ATAT1: variants seen among roughly 807,000 people sequenced by gnomAD.
ATAT1 encodes alpha tubulin acetyltransferase 1.
Under a neutral mutation model 57.2 loss-of-function variants are expected in ATAT1, and 42 were observed. The ratio of observed to expected loss-of-function variants is 0.73; its 90% confidence interval spans 0.57 to 0.95. The LOEUF (loss-of-function observed/expected upper bound fraction) is 0.95. Among genes scored for constraint, ATAT1 ranks in the 40% least tolerant of loss-of-function variants. The pLI is 0.00. For synonymous variants in ATAT1, 168 were observed against 187.1 expected (o/e 0.90, Z 0.83); for missense variants, 454 against 523.7 (o/e 0.87, Z 1.30).
rs17189211 is a variant in ATAT1 at position 30,641,091 on chromosome 6, A to C, written c.616+488A>C. 1.2e-3 allele frequency among the ~76,000 whole-genome samples: 185 copies of C among 151,370 alleles called. 4 individuals carry two copies. Among genetic ancestry groups the C allele is most frequent in the African/African-American group, 4.0e-3 (166 of 41,064 alleles). ...CCTCAGAGGCACTAAAATGCTGTCC[A>C]GATTCCCCATCCCATATACACACAT... On this transcript the variant is annotated intron_variant, in intron 8 of 12. Coordinates refer to ENST00000330083, the MANE Select transcript of ATAT1 (RefSeq NM_001031722.4).
At chr6:30,644,482 C>T (rs1025718142) in intron 10 of ATAT1, 1 of 985,696 alleles carries the variant, frequency 1.0e-6, no homozygotes, top group African/African-American at 1.7e-5. Flanking sequence ...AGCTAGATCC[C>T]TTCCCCTCCC....
rs117021444 is a variant in ATAT1, at chr6:30,634,599, G to A, written c.502-5778G>A. Among the ~76,000 whole-genome samples, 979 of 149,648 alleles carry A rather than the reference G, an allele frequency of 6.5e-3. 6 individuals are homozygous for A. The highest frequency in any genetic ancestry group is 0.038 in the South Asian group (180 of 4,708). On this transcript the variant is annotated intron_variant, in intron 6 of 12. Transcript: ENST00000330083. Reference sequence around the variant, plus strand: ...CAGATGACCAAGCCAGCCTTTGGAGGGTTCTCTGTCTTACTTCTGACTTTA... The same window carrying A: ...CAGATGACCAAGCCAGCCTTTGGAGAGTTCTCTGTCTTACTTCTGACTTTA...
intron 6 of ATAT1, among the ~76,000 whole-genome samples, chr6:30,631,398 C>T (rs570756171): frequency 6.6e-6 from 1 of 152,002 alleles, no homozygotes; most frequent in Non-Finnish European, 1.5e-5. Context: ...TGGCGTGAAC[C>T]TGGGAGGCAG....
At chr6:30,646,021 A>G in intron 11 of ATAT1, 46 bp from the exon 12 acceptor site, 1 of 1,606,906 alleles carries the variant, frequency 6.2e-7, no homozygotes, top group Non-Finnish European at 8.5e-7. Context: ...GGCCACATTC[A>G]CTGTCTACTC....
chr6:30,642,836 C>CCCCCCCCCCCCCCCCCCCCCCCCCCCCGG lies in ATAT1; in HGVS notation c.757_758insCCCCCCCCCCCCCCCCCCCCCCCCCCCGG (p.His253ProfsTer76). On this transcript the variant is annotated frameshift_variant, in exon 10 of 13. Transcript: ENST00000330083. LOFTEE classifies it high-confidence loss of function. ...CCCTCGCCGCGCCACACCTCCAGCC[C>CCCCCCCCCCCCCCCCCCCCCCCCCCCCGG]ACCCACCCCCCCGCTCCAGCAGCCT... is the stretch of plus-strand genomic sequence containing the variant. The CCCCCCCCCCCCCCCCCCCCCCCCCCCCGG allele has an allele frequency of 3.2e-6, 2 of 615,860 alleles. No homozygotes were observed. Among genetic ancestry groups the CCCCCCCCCCCCCCCCCCCCCCCCCCCCGG allele is most frequent in the South Asian group, 2.9e-5 (2 of 70,164 alleles). The allele number at this position is 615,860 out of a possible 1,614,324, so 38.1% of individuals were successfully genotyped here.
chr6:30,633,739 G>A (rs770163577), intron 6 of ATAT1: 3 of 205,862 alleles, frequency 1.5e-5, no homozygotes, highest in South Asian at 9.7e-5. Context: ...TAACGGGAAC[G>A]CTAATGAGGA....
chr6:30,626,921 G>A lies in ATAT1; in HGVS notation c.-283G>A. On this transcript the variant is annotated 5_prime_UTR_variant, in exon 1 of 13. Transcript: ENST00000330083. The stretch of plus-strand genomic sequence containing the variant: ...CGTTCGATGTGGACGCGCTGTTCCC[G>A]GAGCGGATCACGGTGCTGGACCAGC... 6.2e-7 allele frequency: 1 copy of A among 1,609,460 alleles called. No individual in the cohort carries two copies. Among genetic ancestry groups the A allele is most frequent in the Admixed American group, 1.7e-5 (1 of 59,558 alleles).
intron 6 of ATAT1, among the ~76,000 whole-genome samples, chr6:30,631,391 C>T (rs1203772073): frequency 1.3e-5 from 2 of 151,922 alleles, no homozygotes; most frequent in African/African-American, 4.8e-5. Context: ...AGGAGAATGG[C>T]GTGAACCTGG....
chr6:30,640,125 G>A (rs184259234), intron 6 of ATAT1, among the ~76,000 whole-genome samples: 16 of 150,258 alleles, frequency 1.1e-4, no homozygotes, highest in Admixed American at 8.0e-4. Context: ...GCAACAGAGC[G>A]AGACTCTGCC....
intron 6 of ATAT1, among the ~76,000 whole-genome samples, chr6:30,636,705 T>C (rs1196652413): frequency 6.6e-6 from 1 of 152,024 alleles, no homozygotes; most frequent in Admixed American, 6.6e-5. Context: ...GATGGGCTGG[T>C]AGACATTACA....
At position 30,638,575 on chromosome 6, in the gene ATAT1, GT is replaced by G. The variant is rs1236891609; in HGVS notation, c.502-1786del. ...GTGATCCACCACGCCTGGCCCCCGA[GT>G]TTTTTTTTTTTTTTTGAGACGGAGT... On this transcript the variant is annotated intron_variant, in intron 6 of 12. Coordinates refer to ENST00000330083, the MANE Select transcript of ATAT1 (RefSeq NM_001031722.4). Among the ~76,000 whole-genome samples the G allele has an allele frequency of 3.7e-3, 522 of 140,302 alleles. 5 individuals carry two copies. Among genetic ancestry groups the G allele is most frequent in the Admixed American group, 7.8e-3 (110 of 14,038 alleles). 92.0% of individuals were successfully genotyped at this position (140,302 alleles called of 152,430 possible). A position where few individuals can be genotyped will look rare whatever the true frequency, so the allele number is the denominator to read the frequency against.
At chr6:30,632,198 G>A (rs1407794044) in intron 6 of ATAT1, among the ~76,000 whole-genome samples, 1 of 151,162 alleles carries the variant, frequency 6.6e-6, no homozygotes, top group African/African-American at 2.4e-5. Flanking sequence ...ACCGGGAGGC[G>A]GAGGTTGCAG....
intron 11 of ATAT1, 34 bp downstream of exon 11, chr6:30,646,008 G>A: frequency 1.2e-6 from 2 of 1,604,436 alleles, no homozygotes; most frequent in Non-Finnish European, 1.7e-6. Context: ...CTCAAATCAA[G>A]TAGGCCACAT....
intron 10 of ATAT1, chr6:30,643,565 G>A: frequency 6.4e-7 from 1 of 1,550,418 alleles, no homozygotes; most frequent in South Asian, 1.2e-5. Flanking sequence ...GATACTAACA[G>A]CTACCCTCTC....
chr6:30,634,816 C>T (rs941580742), intron 6 of ATAT1, among the ~76,000 whole-genome samples: 3 of 151,280 alleles, frequency 2.0e-5, no homozygotes, highest in Middle Eastern at 3.4e-3. Context: ...GTGAAACCCC[C>T]TGTCTACTAA....
chr6:30,634,912 C>T (rs1033110755), intron 6 of ATAT1, among the ~76,000 whole-genome samples: 4 of 151,662 alleles, frequency 2.6e-5, no homozygotes, highest in Non-Finnish European at 5.9e-5. Context: ...GGCGTGAACC[C>T]GGGAGGCAGA....
intron 6 of ATAT1, among the ~76,000 whole-genome samples, chr6:30,635,115 T>C (rs1763788395): frequency 6.6e-6 from 1 of 152,214 alleles, no homozygotes; most frequent in African/African-American, 2.4e-5. Flanking sequence ...ATAAAATGTT[T>C]CATTTATTTG....
In ATAT1 at chr6:30,645,976, T is replaced by TA. The variant is rs759462562; in HGVS notation, c.1012+4dup. On this transcript the variant is annotated splice_region_variant and intron_variant, in intron 11 of 12. Transcript: ENST00000330083. ...TGAATTCCTCATCCCCCAATACAGG[T>TA]AAGTATTCACTCCTCCCTACCCTCA... 3 of 1,588,644 alleles carry TA rather than the reference T, an allele frequency of 1.9e-6. No homozygotes were observed. Among genetic ancestry groups the TA allele is most frequent in the Non-Finnish European group, 2.6e-6 (3 of 1,167,096 alleles).
Position 30,642,833 on chromosome 6 carries a change from GCCCA to G in ATAT1, c.762_765del (p.Pro256AlafsTer62). 26 of 1,536,646 alleles carry G rather than the reference GCCCA, an allele frequency of 1.7e-5. No individual in the cohort carries two copies. The highest frequency in any genetic ancestry group is 4.7e-5 in the East Asian group (2 of 42,454). On this transcript the variant is annotated frameshift_variant, in exon 10 of 13. Coordinates refer to ENST00000330083, the MANE Select transcript of ATAT1 (RefSeq NM_001031722.4). LOFTEE classifies it high-confidence loss of function. The stretch of plus-strand genomic sequence containing the variant: ...GGCCCCTCGCCGCGCCACACCTCCA[GCCCA>G]CCCACCCCCCCGCTCCAGCAGCCTG...
Sources: allele counts gnomAD v4.1 joint callset (sites outside exome capture counted in the v4.1 genomes callset), GRCh38; gene constraint gnomAD v4.1.1; transcripts MANE v1.5; gene names NCBI Gene and HGNC (gene_info 2026-07-23, HGNC 2026-07-21).